Variants in HIPK2 observed in about 807,000 individuals in gnomAD.
The protein encoded by HIPK2 is homeodomain interacting protein kinase 2.
In HIPK2, 27 loss-of-function variants were observed where a neutral mutation model predicts 113.7. The observed-to-expected ratio is 0.24, with a 90% CI of 0.17 to 0.33. The LOEUF (loss-of-function observed/expected upper bound fraction) is 0.33, where lower values mean the gene tolerates loss of function less well. Ranked by LOEUF, HIPK2 falls within the 10% of genes least tolerant of loss-of-function variation. The probability of loss-of-function intolerance (pLI) is 1.00; values close to 1 mark genes in which losing one functional copy is unlikely to be tolerated. For synonymous variants in HIPK2, 631 were observed against 642.2 expected, an observed-to-expected ratio of 0.98 and a Z score of 0.26; for missense variants, 1,257 against 1,588.0, an observed-to-expected ratio of 0.79 and a Z score of 3.54.
chr7:139,674,826 G>T (rs77687603), intron 2 of HIPK2, among the ~76,000 whole-genome samples: 1 of 152,132 alleles, frequency 6.6e-6, no homozygotes, highest in Non-Finnish European at 1.5e-5. Context: ...TCAAACTCCT[G>T]GTAGCGCTTA....
chr7:139,731,551 A>T (rs10952510), intron 1 of HIPK2, among the ~76,000 whole-genome samples: 56,613 of 151,812 alleles, frequency 0.37, 15,083 homozygotes, highest in African/African-American at 0.75. Flanking sequence ...AGGGCCGCCA[A>T]ATGGGTTCTG....
At chr7:139,598,915 C>T (rs1255522093) in intron 11 of HIPK2, among the ~76,000 whole-genome samples, 1 of 152,132 alleles carries the variant, frequency 6.6e-6, no homozygotes, top group African/African-American at 2.4e-5. Context: ...CAAACAAAAG[C>T]GTTCTGGAAA....
At chr7:139,654,971 G>C (rs1168004017) in intron 2 of HIPK2, among the ~76,000 whole-genome samples, 2 of 152,150 alleles carry the variant, frequency 1.3e-5, no homozygotes, top group Non-Finnish European at 2.9e-5. Context: ...ACACAATCTA[G>C]GATTCTATCA....
intron 2 of HIPK2, among the ~76,000 whole-genome samples, chr7:139,652,596 A>G (rs779459458): frequency 3.3e-5 from 5 of 152,224 alleles, no homozygotes; most frequent in Non-Finnish European, 7.3e-5. Flanking sequence ...ATAAACATGT[A>G]TTGAGCATCC....
intron 10 of HIPK2, among the ~76,000 whole-genome samples, chr7:139,603,785 C>A (rs1799521288): frequency 6.6e-6 from 1 of 152,140 alleles, no homozygotes; most frequent in Non-Finnish European, 1.5e-5. Flanking sequence ...CAAACATCAT[C>A]CAGAACCAAG....
In HIPK2 at chr7:139,770,316, G is replaced by A. The variant is rs116643769; in HGVS notation, c.19+7289C>T. Among the ~76,000 whole-genome samples the A allele has an allele frequency of 6.2e-3, 945 of 152,104 alleles. 5 individuals carry two copies. Among genetic ancestry groups the A allele is most frequent in the African/African-American group, 0.022 (897 of 41,456 alleles). On this transcript the variant is annotated intron_variant, in intron 1 of 14. Transcript: ENST00000406875. Reference sequence around the variant, plus strand: ...TTTTTAATTTAATACTCACAACCTCGGCATTATAACCCTGTGACTTTTAAC... The same window carrying A: ...TTTTTAATTTAATACTCACAACCTCAGCATTATAACCCTGTGACTTTTAAC...
At chr7:139,742,177 G>C (rs1021065166) in intron 1 of HIPK2, among the ~76,000 whole-genome samples, 3 of 152,194 alleles carry the variant, frequency 2.0e-5, no homozygotes, top group Non-Finnish European at 4.4e-5. Flanking sequence ...CAATGGAGTG[G>C]GAGTTAGAAA....
At chr7:139,641,440 C>G (rs1031054952) in intron 2 of HIPK2, among the ~76,000 whole-genome samples, 17 of 151,430 alleles carry the variant, frequency 1.1e-4, no homozygotes, top group Non-Finnish European at 2.4e-4. Flanking sequence ...TGGAGAAATA[C>G]TACCGTAACC....
At chr7:139,607,371 A>G (rs190606138) in intron 9 of HIPK2, among the ~76,000 whole-genome samples, 1 of 152,296 alleles carries the variant, frequency 6.6e-6, no homozygotes, top group East Asian at 1.9e-4. Flanking sequence ...AGGACAATGT[A>G]AGAAAAAAGA....
chr7:139,655,744 T>C (rs1801644179), intron 2 of HIPK2, among the ~76,000 whole-genome samples: 1 of 152,104 alleles, frequency 6.6e-6, no homozygotes, highest in Admixed American at 6.5e-5. Flanking sequence ...GGAAACATAA[T>C]GATTGATTGT....
intron 2 of HIPK2, among the ~76,000 whole-genome samples, chr7:139,667,874 C>T (rs1430124234): frequency 6.6e-6 from 1 of 151,594 alleles, no homozygotes; most frequent in Non-Finnish European, 1.5e-5. Context: ...CCTGTAATCC[C>T]AGCAGCACTT....
At chr7:139,685,918 A>G (rs1223507190) in intron 2 of HIPK2, among the ~76,000 whole-genome samples, 1 of 152,244 alleles carries the variant, frequency 6.6e-6, no homozygotes, top group East Asian at 1.9e-4. Context: ...TCTGTAGCCC[A>G]TAGATCAAGG....
intron 2 of HIPK2, among the ~76,000 whole-genome samples, chr7:139,648,713 A>AGGACGGAGGAC (rs1378224777): frequency 1.3e-5 from 2 of 151,936 alleles, no homozygotes; most frequent in South Asian, 4.1e-4. Flanking sequence ...ATCATTACGG[A>AGGACGGAGGAC]GGACGGAGGA....
chr7:139,602,471 C>T (rs147878451), intron 10 of HIPK2, among the ~76,000 whole-genome samples: 2 of 151,464 alleles, frequency 1.3e-5, no homozygotes, highest in African/African-American at 2.4e-5. Context: ...GATGTCAAAA[C>T]GAAAGGAAGG....
At chr7:139,652,640 A>G (rs1243701872) in intron 2 of HIPK2, among the ~76,000 whole-genome samples, 1 of 152,232 alleles carries the variant, frequency 6.6e-6, no homozygotes. Flanking sequence ...AGAGTGAACA[A>G]AAAAAGACAG....
intron 2 of HIPK2, among the ~76,000 whole-genome samples, chr7:139,667,934 C>T (rs1232561284): frequency 6.6e-6 from 1 of 151,558 alleles, no homozygotes; most frequent in African/African-American, 2.4e-5. Context: ...TCGAGACCAG[C>T]CTGACCAATA....
At chr7:139,717,656 T>C (rs1341129792) in intron 1 of HIPK2, among the ~76,000 whole-genome samples, 3 of 152,224 alleles carry the variant, frequency 2.0e-5, no homozygotes, top group Non-Finnish European at 4.4e-5. Context: ...GCACAATTCA[T>C]GGCTCCATTC....
intron 1 of HIPK2, among the ~76,000 whole-genome samples, chr7:139,726,276 G>A (rs78615842): frequency 1.3e-5 from 2 of 152,318 alleles, no homozygotes; most frequent in East Asian, 1.9e-4. Flanking sequence ...GGGAAAGCTG[G>A]TCCAGAGGGG....
At position 139,694,728 on chromosome 7, in the gene HIPK2, A is replaced by G. The variant is rs1454849850; in HGVS notation, c.1103+21204T>C. 1.4e-4 allele frequency among the ~76,000 whole-genome samples: 21 copies of G among 152,156 alleles called. 1 individual carries two copies. Among genetic ancestry groups the G allele is most frequent in the Non-Finnish European group, 8.8e-5 (6 of 68,024 alleles). ...TAGTGTCTGCTTTGGTTTAGTGGAA[A>G]GATGTCAGTTGAACAGAGAAGGTGG... is the stretch of plus-strand genomic sequence containing the variant. On this transcript the variant is annotated intron_variant, in intron 2 of 14. Coordinates refer to ENST00000406875, the MANE Select transcript of HIPK2 (RefSeq NM_022740.5).
Sources: gnomAD v4.1 joint callset for allele counts (sites outside exome capture counted in the v4.1 genomes callset) on GRCh38, gnomAD v4.1.1 for gene constraint, MANE v1.5 for transcripts, NCBI Gene and HGNC (gene_info 2026-07-23, HGNC 2026-07-21) for gene names.